Variants in PAK1 observed in about 807,000 individuals in gnomAD.
PAK1 encodes the protein serine/threonine-protein kinase PAK 1.
A neutral mutation model predicts 67.4 loss-of-function variants in PAK1; 29 were observed. The observed-to-expected ratio is 0.43, with a 90% CI of 0.32 to 0.59. The LOEUF is 0.59. Among genes scored for constraint, PAK1 ranks in the 20% least tolerant of loss-of-function variants. The pLI is 0.07. For synonymous variants in PAK1, 223 were observed against 237.4 expected, an observed-to-expected ratio of 0.94 and a Z score of 0.56; for missense variants, 337 against 670.7, an observed-to-expected ratio of 0.50 and a Z score of 5.50.
At chr11:77,470,709 G>A (rs1407243498) in intron 1 of PAK1, among the ~76,000 whole-genome samples, 1 of 152,166 alleles carries the variant, frequency 6.6e-6, no homozygotes, top group African/African-American at 2.4e-5. Flanking sequence ...AAAAACCACA[G>A]GAGACCAGGA....
At chr11:77,352,528 T>C (rs915511101) in intron 8 of PAK1, among the ~76,000 whole-genome samples, 3 of 152,152 alleles carry the variant, frequency 2.0e-5, no homozygotes, top group African/African-American at 7.2e-5. Flanking sequence ...TTTTAATAAA[T>C]GTACAGTCTA....
chr11:77,372,893 T>C (rs1948624381), intron 5 of PAK1, among the ~76,000 whole-genome samples: 1 of 152,176 alleles, frequency 6.6e-6, no homozygotes, highest in Non-Finnish European at 1.5e-5. Flanking sequence ...CTCTGACACA[T>C]CCAACCTTTC....
intron 1 of PAK1, among the ~76,000 whole-genome samples, chr11:77,447,541 T>A (rs1419112220): frequency 6.6e-6 from 1 of 152,114 alleles, no homozygotes; most frequent in Non-Finnish European, 1.5e-5. Context: ...GATTCTTTTT[T>A]TTTTTTTCAG....
chr11:77,387,140 T>C (rs1471757188), intron 2 of PAK1, among the ~76,000 whole-genome samples: 3 of 150,554 alleles, frequency 2.0e-5, no homozygotes, highest in African/African-American at 7.4e-5. Context: ...TAGCATGATC[T>C]TGGCTCACTG....
At chr11:77,509,020 C>T in the PAK1 span, among the ~76,000 whole-genome samples, 1,821 of 147,046 alleles carry the variant, frequency 0.012, 34 homozygotes, top group African/African-American at 0.043. Flanking sequence ...CCTGTAATCC[C>T]AACACTTTGG....
At chr11:77,410,758 T>C (rs989247976) in intron 1 of PAK1, among the ~76,000 whole-genome samples, 9 of 151,002 alleles carry the variant, frequency 6.0e-5, no homozygotes, top group Non-Finnish European at 1.0e-4. Flanking sequence ...GAGGAAGACG[T>C]AGAGTCATGA....
At chr11:77,470,874 G>A (rs1236559252) in intron 1 of PAK1, among the ~76,000 whole-genome samples, 3 of 152,160 alleles carry the variant, frequency 2.0e-5, no homozygotes, top group African/African-American at 7.2e-5. Context: ...CAAAAGACTA[G>A]GCTAAAAATT....
At chr11:77,367,173 T>G (rs1159565232) in intron 5 of PAK1, among the ~76,000 whole-genome samples, 1 of 152,208 alleles carries the variant, frequency 6.6e-6, no homozygotes, top group African/African-American at 2.4e-5. Flanking sequence ...AGTGGTTTCC[T>G]AGGGCTGAGC....
At chr11:77,412,839 G>A (rs772131845) in intron 1 of PAK1, among the ~76,000 whole-genome samples, 2 of 152,204 alleles carry the variant, frequency 1.3e-5, no homozygotes, top group African/African-American at 2.4e-5. Context: ...CAAAACGGAG[G>A]TCCAGGGAAA....
intron 1 of PAK1, among the ~76,000 whole-genome samples, chr11:77,464,362 T>C (rs1045979959): frequency 1.3e-5 from 2 of 152,232 alleles, no homozygotes; most frequent in Non-Finnish European, 2.9e-5. Flanking sequence ...ACTCCAAAAT[T>C]CTCTACATTA....
chr11:77,333,015 A>G (rs111904257), intron 13 of PAK1, 148 bp from the exon 14 acceptor site: 6 of 685,328 alleles, frequency 8.8e-6, no homozygotes, highest in African/African-American at 3.6e-5. Context: ...AGTATGACCT[A>G]AGGATCAGGT....
chr11:77,365,580 C>T (rs1025950087), intron 5 of PAK1, among the ~76,000 whole-genome samples: 2 of 152,258 alleles, frequency 1.3e-5, no homozygotes, highest in Admixed American at 6.5e-5. Flanking sequence ...TGCCTGTAAT[C>T]CCAGCACTTT....
chr11:77,480,088 T>C, the PAK1 span, among the ~76,000 whole-genome samples: 2 of 152,182 alleles, frequency 1.3e-5, no homozygotes, highest in Non-Finnish European at 2.9e-5. Flanking sequence ...AGTTTCCATA[T>C]GTATGCTTTC....
upstream of PAK1, among the ~76,000 whole-genome samples, chr11:77,479,104 T>G (rs1297550122): frequency 7.1e-6 from 1 of 141,238 alleles, no homozygotes; most frequent in African/African-American, 2.8e-5. Flanking sequence ...AAAAAAAAAG[T>G]TAAGATCTAA....
At chr11:77,405,937 T>C (rs1283896559) in intron 1 of PAK1, among the ~76,000 whole-genome samples, 1 of 152,236 alleles carries the variant, frequency 6.6e-6, no homozygotes, top group Admixed American at 6.5e-5. Flanking sequence ...CGTTACTCAG[T>C]ATCTTGGCAG....
At chr11:77,443,666 G>C (rs1956464832) in intron 1 of PAK1, among the ~76,000 whole-genome samples, 1 of 152,132 alleles carries the variant, frequency 6.6e-6, no homozygotes, top group Admixed American at 6.6e-5. Flanking sequence ...TCAAATTCAT[G>C]CAACTCTAAA....
chr11:77,514,669 C>A, the PAK1 span, among the ~76,000 whole-genome samples: 1 of 152,088 alleles, frequency 6.6e-6, no homozygotes, highest in Non-Finnish European at 1.5e-5. Context: ...ACAAGTGGAG[C>A]CAAAAGCAGG....
intron 5 of PAK1, among the ~76,000 whole-genome samples, 156 bp downstream of exon 5, chr11:77,374,172 A>C (rs1457914691): frequency 6.6e-6 from 1 of 152,254 alleles, no homozygotes; most frequent in East Asian, 1.9e-4. Context: ...TATTTATTAT[A>C]TCTAATTTCT....
chr11:77,503,529 T>C, the PAK1 span, among the ~76,000 whole-genome samples: 4 of 152,232 alleles, frequency 2.6e-5, no homozygotes, highest in African/African-American at 4.8e-5. Flanking sequence ...GTGGGTTATC[T>C]CTATCAATAT....
Sources: allele counts gnomAD v4.1 joint callset (sites outside exome capture counted in the v4.1 genomes callset), GRCh38; gene constraint gnomAD v4.1.1; transcripts MANE v1.5; gene names NCBI Gene and HGNC (gene_info 2026-07-23, HGNC 2026-07-21).